Variants in CACNA1I observed in about 807,000 individuals in gnomAD.
CACNA1I encodes the protein calcium voltage-gated channel subunit alpha1 I, also known as voltage-dependent T-type calcium channel subunit alpha-1I.
In CACNA1I, 74 loss-of-function variants were observed where a neutral mutation model predicts 201.6. The ratio of observed to expected loss-of-function variants is 0.37; its 90% CI spans 0.30 to 0.45. CACNA1I has a LOEUF of 0.45. Among genes scored for constraint, CACNA1I ranks in the 20% least tolerant of loss-of-function variants. The probability of loss-of-function intolerance (pLI) is 1.00; values close to 1 mark genes in which losing one functional copy is unlikely to be tolerated. For synonymous variants in CACNA1I, 1,431 were observed against 1,345.2 expected (o/e 1.06, Z -1.40); for missense variants, 2,346 against 3,138.1 (o/e 0.75, Z 6.03).
In CACNA1I at chr22:39,579,887, G is replaced by A. The variant is rs190557295; in HGVS notation, c.236+8899G>A. 4.6e-4 allele frequency among the ~76,000 whole-genome samples: 70 copies of A among 152,284 alleles called. No homozygotes were observed. The East Asian group carries it at 0.012, about 26-fold the overall frequency. ...TGGTCTGGAACTTCTGACCTCAAGC[G>A]ATCCACCAGCCTCGGCCTCCCAAAG... On this transcript the variant is annotated intron_variant, in intron 1 of 36. Coordinates refer to ENST00000402142, the MANE Select transcript of CACNA1I (RefSeq NM_021096.4).
chr22:39,604,222 C>T (rs946488737), intron 3 of CACNA1I, among the ~76,000 whole-genome samples: 1 of 152,154 alleles, frequency 6.6e-6, no homozygotes, highest in Non-Finnish European at 1.5e-5. Flanking sequence ...TATTGCTTAG[C>T]GATTCTTTCC....
chr22:39,677,399 T>C lies in CACNA1I; in HGVS notation c.4913T>C (p.Val1638Ala). The change falls in exon 30 of 37, where the codon GTG becomes GCG. Residue 1638 changes from valine (V) to alanine (A), a missense_variant. Physicochemically the swap from Val to Ala is moderately conservative, Grantham distance 64. Around this residue, in one of 13 missense-constraint regions of CACNA1I, gnomAD observed 50 missense variants for 43.6 expected, o/e 1.15. Coordinates refer to ENST00000402142, the MANE Select transcript of CACNA1I (RefSeq NM_021096.4). The surrounding 1 kb of genome is among the most constrained non-coding windows in gnomAD (Gnocchi z 4.8). Reference protein sequence around the residue: ...LLFFIYAALGVELFGKLVCND... With the variant: ...LLFFIYAALGAELFGKLVCND... ...TTCTTCATCTATGCTGCTCTCGGGG[T>C]GGAGCTCTTTGGGAAGCTGGGTGAG... 6.3e-7 allele frequency: 1 copy of C among 1,586,522 alleles called. No homozygotes were observed. Among genetic ancestry groups the C allele is most frequent in the Non-Finnish European group, 8.6e-7 (1 of 1,168,562 alleles).
chr22:39,661,199 G>C lies in CACNA1I; in HGVS notation c.2790G>C (p.Ala930=), dbSNP rs765247576. Residue 930 remains alanine, a synonymous_variant, in exon 16 of 37, where the codon GCG becomes GCC. Coordinates refer to ENST00000402142, the MANE Select transcript of CACNA1I (RefSeq NM_021096.4). ...GGCACCTAGGTCCTGCTGGGGCTGCGGGACCTGCCCCCCGACTCTCACTGC... is the reference window on the plus strand; with the variant it reads ...GGCACCTAGGTCCTGCTGGGGCTGCCGGACCTGCCCCCCGACTCTCACTGC... ...LGGHLGPAGA[A]GPAPRLSLQP... The C allele has an allele frequency of 6.2e-7, 1 of 1,612,166 alleles. No individual in the cohort carries two copies. Among genetic ancestry groups the C allele is most frequent in the South Asian group, 1.1e-5 (1 of 90,918 alleles).
At chr22:39,625,189 A>G (rs1264263696) in intron 4 of CACNA1I, among the ~76,000 whole-genome samples, 1 of 151,480 alleles carries the variant, frequency 6.6e-6, no homozygotes, top group African/African-American at 2.4e-5. Flanking sequence ...TACAAGCGTG[A>G]GCCACCGTGC....
chr22:39,627,199 G>A (rs577306430), intron 4 of CACNA1I, among the ~76,000 whole-genome samples: 1 of 152,328 alleles, frequency 6.6e-6, no homozygotes, highest in East Asian at 1.9e-4. Flanking sequence ...GAGAGGTCCC[G>A]TGGGCTGCAG....
rs944356015 is a variant in CACNA1I, at chr22:39,677,509, C to T, written c.4933+90C>T. The T allele has an allele frequency of 1.2e-6, 1 of 867,870 alleles. No homozygotes were observed. 53.8% of individuals were successfully genotyped at this position (867,870 alleles called of 1,614,324 possible). On this transcript the variant is annotated intron_variant, in intron 30 of 36. Transcript: ENST00000402142. The surrounding 1 kb of genome is among the most constrained non-coding windows in gnomAD (Gnocchi z 4.8). The stretch of plus-strand genomic sequence containing the variant: ...GCGGGGGAGGCCTGAGACCCCTGAG[C>T]CCGTCACATCAGGGTCTTTGTATTG...
chr22:39,610,786 C>G (rs377283006), intron 3 of CACNA1I, among the ~76,000 whole-genome samples: 1 of 152,178 alleles, frequency 6.6e-6, no homozygotes, highest in African/African-American at 2.4e-5. Flanking sequence ...GGAGCTTTCA[C>G]GGTGGCAGGG....
intron 4 of CACNA1I, among the ~76,000 whole-genome samples, chr22:39,632,423 G>A (rs1934091362): frequency 1.3e-5 from 2 of 152,196 alleles, no homozygotes; most frequent in South Asian, 4.1e-4. Context: ...TTCAGGAATA[G>A]TGCCTTTGCC....
chr22:39,643,015 C>G, intron 7 of CACNA1I, 126 bp downstream of exon 7: 2 of 629,754 alleles, frequency 3.2e-6, no homozygotes, highest in Non-Finnish European at 5.6e-6. Flanking sequence ...GATGAGGGAG[C>G]AGGAAGGGCT....
In CACNA1I at chr22:39,672,920, C is replaced by T. The variant is rs559101107; in HGVS notation, c.4650-29C>T. 1.1e-5 allele frequency: 18 copies of T among 1,601,474 alleles called. No homozygotes were observed. The Admixed American group carries it at 2.2e-4, about 20-fold the overall frequency. Reference sequence around the variant, plus strand: ...ACCAGAGGGATCCTCCTCATGCCCACTCCTGCCCTCCCATGCACGGCTGAG... The same window carrying T: ...ACCAGAGGGATCCTCCTCATGCCCATTCCTGCCCTCCCATGCACGGCTGAG... On this transcript the variant is annotated intron_variant, in intron 27 of 36. Transcript: ENST00000402142.
At chr22:39,638,462 T>C (rs9623031) in intron 5 of CACNA1I, among the ~76,000 whole-genome samples, 5,290 of 152,278 alleles carry the variant, frequency 0.035, 298 homozygotes, top group African/African-American at 0.12. Flanking sequence ...CACAACAGTG[T>C]ATGTGAGTGT....
chr22:39,673,925 C>T (rs1935445499), intron 28 of CACNA1I, 38 bp from the exon 29 acceptor site: 5 of 1,600,026 alleles, frequency 3.1e-6, no homozygotes, highest in East Asian at 2.2e-5. Flanking sequence ...TCCCCACCGG[C>T]CTGGGGCTGA....
rs1291215047 is a variant in CACNA1I at position 39,659,169 on chromosome 22, G to A, written c.2330+53G>A. On this transcript the variant is annotated intron_variant, in intron 12 of 36. Coordinates refer to ENST00000402142, the MANE Select transcript of CACNA1I (RefSeq NM_021096.4). The surrounding 1 kb of genome is among the most constrained non-coding windows in gnomAD (Gnocchi z 4.3). Reference sequence around the variant, plus strand: ...CTCAGCACCTGCTGGGGCTGTGGGCGGGAGCCTGGGGGATGTGGTCCACTG... The same window carrying A: ...CTCAGCACCTGCTGGGGCTGTGGGCAGGAGCCTGGGGGATGTGGTCCACTG... 47 of 1,593,416 alleles carry A rather than the reference G, an allele frequency of 2.9e-5. No homozygotes were observed. The highest frequency in any genetic ancestry group is 1.4e-4 in the East Asian group (6 of 44,396).
intron 3 of CACNA1I, among the ~76,000 whole-genome samples, chr22:39,617,864 C>T (rs1195567697): frequency 6.8e-6 from 1 of 146,192 alleles, no homozygotes; most frequent in East Asian, 2.0e-4. Flanking sequence ...TCTCTGCCAG[C>T]TCCCCCCTCC....
intron 1 of CACNA1I, among the ~76,000 whole-genome samples, chr22:39,596,568 G>A (rs1045067807): frequency 1.3e-5 from 2 of 151,624 alleles, no homozygotes; most frequent in Non-Finnish European, 2.9e-5. Flanking sequence ...AGGGAGATGG[G>A]GTGTCAGAGT....
At chr22:39,664,686 C>G in intron 20 of CACNA1I, 53 bp from the exon 21 acceptor site, 1 of 720,912 alleles carries the variant, frequency 1.4e-6, no homozygotes, top group Non-Finnish European at 2.3e-6. Flanking sequence ...TGGCCCCGCC[C>G]ACCTGCCCGC....
intron 3 of CACNA1I, among the ~76,000 whole-genome samples, chr22:39,605,469 CCATT>C (rs373946045): frequency 2.6e-5 from 4 of 152,250 alleles, no homozygotes; most frequent in South Asian, 2.1e-4. Flanking sequence ...CCGGATGGTA[CCATT>C]CATTCATTCA....
Position 39,670,285 on chromosome 22 carries a change from G to A in CACNA1I, c.4387+55G>A, listed in dbSNP as rs753462902. ...CACCCAGCTCTAAGCCCTTCTGCCT[G>A]GGCCTGACCCCAGCCTCCTGAGCCT... is the stretch of plus-strand genomic sequence containing the variant. On this transcript the variant is annotated intron_variant, in intron 25 of 36. Coordinates refer to ENST00000402142, the MANE Select transcript of CACNA1I (RefSeq NM_021096.4). 1.1e-4 allele frequency: 174 copies of A among 1,556,540 alleles called. 1 individual carries two copies. In the Middle Eastern group the frequency reaches 1.5e-3, roughly 13 times the overall value.
chr22:39,578,934 C>T (rs981885355), intron 1 of CACNA1I, among the ~76,000 whole-genome samples: 2 of 152,184 alleles, frequency 1.3e-5, no homozygotes, highest in African/African-American at 2.4e-5. Context: ...TCCCCATCGC[C>T]GTGGTTCTCA....
Sources: allele counts gnomAD v4.1 joint callset (sites outside exome capture counted in the v4.1 genomes callset), GRCh38; gene constraint gnomAD v4.1.1; regional missense constraint gnomAD v4.1.1; non-coding constraint Gnocchi (gnomAD v3.1); transcripts MANE v1.5; gene names NCBI Gene and HGNC (gene_info 2026-07-23, HGNC 2026-07-21).